The following GRK4 variants were observed in gnomAD, a reference collection of about 807,000 sequenced individuals.
GRK4 encodes the protein G protein-coupled receptor kinase 2-like.
GRK4 carries 73 observed loss-of-function variants against 77.9 expected under a neutral mutation model. That is an observed-to-expected ratio of 0.94 (90% CI 0.78 to 1.14). The LOEUF is 1.14. Among genes scored for constraint, GRK4 ranks in the 50% most tolerant of loss-of-function variants. GRK4 has a pLI of 0.00. For missense variants in GRK4, 729 were observed against 700.2 expected, an observed-to-expected ratio of 1.04 and a Z score of -0.46; for synonymous variants, 257 against 254.4, an observed-to-expected ratio of 1.01 and a Z score of -0.10.
At chr4:3,015,827 A>G (rs1173846039) in intron 8 of GRK4, among the ~76,000 whole-genome samples, 1 of 151,622 alleles carries the variant, frequency 6.6e-6, no homozygotes, top group Non-Finnish European at 1.5e-5. Flanking sequence ...TCATTTCAGC[A>G]CTTTGGGAGG....
intron 1 of GRK4, among the ~76,000 whole-genome samples, chr4:2,978,501 A>T (rs1281022993): frequency 1.3e-5 from 2 of 152,230 alleles, no homozygotes; most frequent in Non-Finnish European, 2.9e-5. Context: ...TTTATTTGGC[A>T]GACAGGGAGA....
At chr4:3,037,085 G>GTGTGTGTGTGTGTGTGTA (rs1740931615) in intron 13 of GRK4, among the ~76,000 whole-genome samples, 1 of 43,228 alleles carries the variant, frequency 2.3e-5, no homozygotes, top group African/African-American at 1.2e-4. Context: ...GTGTGTGTAT[G>GTGTGTGTGTGTGTGTGTA]TGTGTGTGTG....
At position 3,009,760 on chromosome 4, in the gene GRK4, G is replaced by A; in HGVS notation, c.600+49G>A. 6 of 1,408,296 alleles carry A rather than the reference G, an allele frequency of 4.3e-6. No individual in the cohort carries two copies. The South Asian group carries it at 5.8e-5, about 14-fold the overall frequency. The allele number at this position is 1,408,296 out of a possible 1,614,324, so 87.2% of individuals were successfully genotyped here. A position where few individuals can be genotyped will look rare whatever the true frequency, so the allele number is the denominator to read the frequency against. On this transcript the variant is annotated intron_variant, in intron 7 of 15. Transcript: ENST00000398052. ...AGCAGCGCTGCTAGCTGGGTGGGGA[G>A]CAAGGTCCTGAGAACATGGCTTCAG...
chr4:2,965,109 G>A (rs1450724664), intron 1 of GRK4: 16 of 605,860 alleles, frequency 2.6e-5, no homozygotes, highest in Non-Finnish European at 4.1e-5. Context: ...CCTTTGTTTT[G>A]CTTCTGTAAG....
chr4:3,029,419 G>T lies in GRK4; in HGVS notation c.1269+10G>T, dbSNP rs1398830109. ...ATCTATCTGCAGGATGGTAAGTCAG[G>T]CTCTGTAGAGGCTGGGAAATGGCAC... On this transcript the variant is annotated intron_variant, in intron 12 of 15. Coordinates refer to ENST00000398052, the MANE Select transcript of GRK4 (RefSeq NM_182982.3). The T allele has an allele frequency of 4.4e-6, 7 of 1,603,406 alleles. No homozygotes were observed. In the African/African-American group the frequency reaches 9.4e-5, roughly 21 times the overall value.
chr4:2,992,232 C>A lies in GRK4; in HGVS notation c.279C>A (p.Ala93=). Residue 93 remains alanine, a synonymous_variant, in exon 4 of 16, where the codon GCC becomes GCA. Transcript: ENST00000398052. ...FLDAVAEYEV[A]DDEDRSDCGL... ...CCAATCAGGCAGAATATGAAGTTGC[C>A]GATGATGAGGACCGAAGTGATTGTG... 6.2e-7 allele frequency: 1 copy of A among 1,608,886 alleles called. No homozygotes were observed. The highest frequency in any genetic ancestry group is 8.5e-7 in the Non-Finnish European group (1 of 1,175,880).
chr4:2,965,360 A>T (rs770021989), intron 1 of GRK4: 19 of 702,888 alleles, frequency 2.7e-5, no homozygotes, highest in Non-Finnish European at 4.4e-5. Context: ...GCGTCTCAAG[A>T]GAGCTGGCGA....
chr4:2,984,258 G>A (rs577193192), intron 1 of GRK4, among the ~76,000 whole-genome samples: 2 of 152,268 alleles, frequency 1.3e-5, no homozygotes, highest in East Asian at 3.9e-4. Flanking sequence ...GTTAGATCTT[G>A]TTTACAGATT....
At chr4:3,036,930 T>C (rs953342884) in intron 13 of GRK4, among the ~76,000 whole-genome samples, 2 of 152,202 alleles carry the variant, frequency 1.3e-5, no homozygotes, top group African/African-American at 4.8e-5. Context: ...TTCACACTTC[T>C]CCGGTTCTGT....
chr4:3,028,147 G>A (rs1189149024), intron 11 of GRK4, 146 bp downstream of exon 11: 4 of 691,190 alleles, frequency 5.8e-6, no homozygotes, highest in Non-Finnish European at 1.0e-5. Context: ...TCTCTAACCT[G>A]TCAGAGTGTT....
chr4:2,991,775 G>A (rs1487420921), intron 3 of GRK4, among the ~76,000 whole-genome samples: 1 of 152,154 alleles, frequency 6.6e-6, no homozygotes, highest in Non-Finnish European at 1.5e-5. Context: ...GCCTCCCAAA[G>A]TGCTGTGGTT....
At chr4:3,036,491 G>A (rs1381520767) in intron 13 of GRK4, among the ~76,000 whole-genome samples, 1 of 152,268 alleles carries the variant, frequency 6.6e-6, no homozygotes, top group East Asian at 1.9e-4. Flanking sequence ...TGGGTGAAAA[G>A]TTTCTCAGGA....
rs1047511894 is a variant in GRK4, at chr4:3,026,149, G to A, written c.971-1763G>A. On this transcript the variant is annotated intron_variant, in intron 10 of 15. Transcript: ENST00000398052. ...TATCCTTGATAGAGTCCTAGAAGTGGGTGAATTCATACGCAATTTGTCAGA... is the reference window on the plus strand; with the variant it reads ...TATCCTTGATAGAGTCCTAGAAGTGAGTGAATTCATACGCAATTTGTCAGA... 3.3e-5 allele frequency among the ~76,000 whole-genome samples: 5 copies of A among 152,132 alleles called. 1 individual carries two copies. The highest frequency in any genetic ancestry group is 2.0e-4 in the Admixed American group (3 of 15,274).
chr4:3,026,457 C>T (rs113586598), intron 10 of GRK4, among the ~76,000 whole-genome samples: 5 of 152,134 alleles, frequency 3.3e-5, no homozygotes, highest in South Asian at 2.1e-4. Flanking sequence ...TGGCCAGGCA[C>T]GGTGGCTCAC....
At chr4:2,994,812 C>T (rs1424078224) in intron 4 of GRK4, among the ~76,000 whole-genome samples, 1 of 152,018 alleles carries the variant, frequency 6.6e-6, no homozygotes, top group Non-Finnish European at 1.5e-5. Context: ...TTCGGGGGTA[C>T]ATGTGCAGGT....
intron 4 of GRK4, among the ~76,000 whole-genome samples, chr4:3,000,772 G>A (rs2109782574): frequency 6.6e-6 from 1 of 151,938 alleles, no homozygotes; most frequent in African/African-American, 2.4e-5. Context: ...GTTTCACCAT[G>A]TTGGCCAGGA....
intron 14 of GRK4, 52 bp from the exon 15 acceptor site, chr4:3,038,324 T>G (rs1741412400): frequency 6.2e-7 from 1 of 1,608,812 alleles, no homozygotes; most frequent in Non-Finnish European, 8.5e-7. Context: ...AGACACCCAC[T>G]GACCTGGCAG....
chr4:3,018,908 A>G (rs1735286320), intron 8 of GRK4, among the ~76,000 whole-genome samples: 1 of 152,126 alleles, frequency 6.6e-6, no homozygotes, highest in Admixed American at 6.6e-5. Context: ...GTCTAAATAA[A>G]TAGGGGGAGA....
At chr4:3,007,880 G>C (rs372896997) in intron 6 of GRK4, 52 bp downstream of exon 6, 1 of 1,230,026 alleles carries the variant, frequency 8.1e-7, no homozygotes, top group Non-Finnish European at 1.2e-6. Flanking sequence ...GCACATGCCT[G>C]TAGTCCCAGC....
Sources: allele counts gnomAD v4.1 joint callset (sites outside exome capture counted in the v4.1 genomes callset), GRCh38; gene constraint gnomAD v4.1.1; transcripts MANE v1.5; gene names NCBI Gene and HGNC (gene_info 2026-07-23, HGNC 2026-07-21).